CDH18: variants seen among roughly 807,000 people sequenced by gnomAD.
CDH18 encodes the protein cadherin 18, also known as cadherin-18.
In CDH18, 31 loss-of-function variants were observed where a neutral mutation model predicts 67.9. The observed-to-expected ratio is 0.46, with a 90% CI of 0.34 to 0.62. The LOEUF (loss-of-function observed/expected upper bound fraction) is 0.62. CDH18 is among the 20% of genes least tolerant of loss of function. CDH18 has a pLI of 0.01. For missense variants in CDH18, 890 were observed against 975.5 expected, an observed-to-expected ratio of 0.91 and a Z score of 1.17; for synonymous variants, 362 against 347.2, an observed-to-expected ratio of 1.04 and a Z score of -0.48.
chr5:20,452,056 T>C (rs573395306), intron 1 of CDH18, among the ~76,000 whole-genome samples: 1 of 152,258 alleles, frequency 6.6e-6, no homozygotes, highest in African/African-American at 2.4e-5. Flanking sequence ...AAGACACAGA[T>C]AATAAGCATA....
chr5:19,482,656 A>G (rs1739661586), intron 12 of CDH18, among the ~76,000 whole-genome samples: 2 of 149,386 alleles, frequency 1.3e-5, no homozygotes, highest in Non-Finnish European at 2.9e-5. Context: ...TTTTCCCAAT[A>G]ATAGTTTTCA....
intron 5 of CDH18, among the ~76,000 whole-genome samples, chr5:19,701,912 A>G (rs1040298873): frequency 2.0e-5 from 3 of 152,068 alleles, no homozygotes; most frequent in African/African-American, 7.2e-5. Flanking sequence ...CATCTACGGA[A>G]TGCATGCATG....
chr5:20,165,655 A>C (rs943458858), intron 2 of CDH18, among the ~76,000 whole-genome samples: 2 of 152,028 alleles, frequency 1.3e-5, no homozygotes, highest in Non-Finnish European at 2.9e-5. Flanking sequence ...GTTGCTCATC[A>C]CTCTCCCAAT....
intron 5 of CDH18, among the ~76,000 whole-genome samples, chr5:19,718,741 T>C (rs1471394569): frequency 6.6e-6 from 1 of 152,002 alleles, no homozygotes; most frequent in East Asian, 1.9e-4. Context: ...AATACTGATA[T>C]TAACACACAT....
chr5:20,042,722 G>C (rs1264213389), intron 2 of CDH18, among the ~76,000 whole-genome samples: 1 of 152,092 alleles, frequency 6.6e-6, no homozygotes, highest in Admixed American at 6.5e-5. Context: ...CCAGCATTTT[G>C]GGAGGCCGAG....
intron 9 of CDH18, among the ~76,000 whole-genome samples, chr5:19,529,816 T>C (rs1352943966): frequency 6.6e-6 from 1 of 152,162 alleles, no homozygotes; most frequent in African/African-American, 2.4e-5. Flanking sequence ...GAAAACATAC[T>C]GTGTTTACTC....
chr5:20,372,704 A>G (rs1743101617), intron 1 of CDH18, among the ~76,000 whole-genome samples: 1 of 152,296 alleles, frequency 6.6e-6, no homozygotes, highest in Non-Finnish European at 1.5e-5. Context: ...ATGATAGCAA[A>G]CATTAGTTGA....
intron 10 of CDH18, among the ~76,000 whole-genome samples, chr5:19,510,258 A>G (rs1195909529): frequency 2.0e-5 from 3 of 152,118 alleles, no homozygotes; most frequent in Admixed American, 6.6e-5. Context: ...AGAGTCAAAC[A>G]CTATGAAACT....
intron 1 of CDH18, among the ~76,000 whole-genome samples, chr5:20,495,518 A>G (rs374376591): frequency 1.3e-5 from 2 of 152,148 alleles, no homozygotes; most frequent in East Asian, 1.9e-4. Context: ...GAAGACTCCA[A>G]CTGTTCTTTT....
chr5:20,500,606 C>T (rs980145572), intron 1 of CDH18, among the ~76,000 whole-genome samples: 1 of 152,096 alleles, frequency 6.6e-6, no homozygotes, highest in Non-Finnish European at 1.5e-5. Context: ...CTGCTTCGGA[C>T]ATGCACTGCT....
chr5:19,994,242 CACAT>C (rs1276610586), intron 2 of CDH18, among the ~76,000 whole-genome samples: 1 of 139,110 alleles, frequency 7.2e-6, no homozygotes, highest in African/African-American at 3.1e-5. Context: ...TATATACACA[CACAT>C]ATACACATAT....
chr5:19,699,349 C>G (rs950943318), intron 5 of CDH18, among the ~76,000 whole-genome samples: 1 of 152,036 alleles, frequency 6.6e-6, no homozygotes. Flanking sequence ...TAGTCAGGAT[C>G]CAGGGAGTGT....
chr5:19,880,610 C>G (rs1052787750), intron 2 of CDH18, among the ~76,000 whole-genome samples: 8 of 152,066 alleles, frequency 5.3e-5, no homozygotes, highest in African/African-American at 1.9e-4. Context: ...GTCAAGAGAT[C>G]AATTTGGTGT....
chr5:20,107,519 GC>G (rs1247862014), intron 2 of CDH18, among the ~76,000 whole-genome samples: 8 of 152,086 alleles, frequency 5.3e-5, no homozygotes, highest in Non-Finnish European at 1.0e-4. Context: ...ATTTTAATTT[GC>G]TAGAACTGCC....
chr5:19,847,972 C>T (rs991013680), intron 2 of CDH18: 9 of 152,268 alleles, frequency 5.9e-5, no homozygotes, highest in Admixed American at 3.9e-4. Flanking sequence ...TTATGGTGGG[C>T]CCATCAGTGC....
intron 6 of CDH18, among the ~76,000 whole-genome samples, chr5:19,600,950 T>C (rs566440298): frequency 2.6e-4 from 40 of 152,314 alleles, no homozygotes; most frequent in Non-Finnish European, 4.6e-4. Context: ...CTCAGCTAGT[T>C]TTAAGTTGCT....
intron 1 of CDH18, among the ~76,000 whole-genome samples, chr5:20,449,913 T>G (rs1750300731): frequency 6.6e-6 from 1 of 152,148 alleles, no homozygotes; most frequent in African/African-American, 2.4e-5. Context: ...CCAGGAGTAT[T>G]CCATTTACTT....
rs78541858 is a variant in CDH18 at position 20,224,660 on chromosome 5, T to C, written c.-518+30784A>G. 6.4e-3 allele frequency among the ~76,000 whole-genome samples: 970 copies of C among 152,212 alleles called. 13 individuals carry two copies. The highest frequency in any genetic ancestry group is 0.022 in the African/African-American group (928 of 41,536). ...CCTTTTGGCTAAAACTTTGCTGACATAATTAAATGCATTCTTTTAAATTAA... is the reference window on the plus strand; with the variant it reads ...CCTTTTGGCTAAAACTTTGCTGACACAATTAAATGCATTCTTTTAAATTAA... On this transcript the variant is annotated intron_variant, in intron 2 of 14. Coordinates refer to the CDH18 transcript ENST00000507958.
At chr5:20,353,733 C>G (rs1306341730) in intron 1 of CDH18, among the ~76,000 whole-genome samples, 1 of 152,124 alleles carries the variant, frequency 6.6e-6, no homozygotes, top group East Asian at 1.9e-4. Flanking sequence ...AAGGCTGATT[C>G]ATTTATGTGA....
Sources: gnomAD v4.1 joint callset for allele counts (sites outside exome capture counted in the v4.1 genomes callset) on GRCh38, gnomAD v4.1.1 for gene constraint, MANE v1.5 for transcripts, NCBI Gene and HGNC (gene_info 2026-07-23, HGNC 2026-07-21) for gene names.